Variants in POLD3 observed in about 807,000 individuals in gnomAD.
The protein encoded by POLD3 is DNA polymerase delta subunit 3.
A neutral mutation model predicts 58.2 loss-of-function variants in POLD3; 19 were observed. The ratio of observed to expected loss-of-function variants is 0.33; its 90% CI spans 0.23 to 0.48. The LOEUF (loss-of-function observed/expected upper bound fraction) is 0.48. Among genes scored for constraint, POLD3 ranks in the 20% least tolerant of loss-of-function variants. The pLI is 0.99. For synonymous variants in POLD3, 172 were observed against 193.5 expected (o/e 0.89, Z 0.92); for missense variants, 504 against 545.5 (o/e 0.92, Z 0.76).
In POLD3 at chr11:74,619,348, G is replaced by A. The variant is rs924682638; in HGVS notation, c.660+544G>A. Among the ~76,000 whole-genome samples the A allele has an allele frequency of 3.3e-5, 5 of 150,404 alleles. 1 individual carries two copies. Among genetic ancestry groups the A allele is most frequent in the Admixed American group, 6.6e-5 (1 of 15,182 alleles). On this transcript the variant is annotated intron_variant, in intron 6 of 11. Transcript: ENST00000263681. ...GATACTATTTTAAAAATCCAGAAAA[G>A]CATAATTATTGTTGTTACTATTATT...
At chr11:74,592,766 G>A in intron 1 of POLD3, 48 bp downstream of exon 1, 2 of 1,609,432 alleles carry the variant, frequency 1.2e-6, no homozygotes, top group Middle Eastern at 1.7e-4. Context: ...GGGGTCCTGG[G>A]CCCGGCTAGG....
chr11:74,615,199 A>G (rs1203085803), intron 5 of POLD3, among the ~76,000 whole-genome samples: 1 of 152,180 alleles, frequency 6.6e-6, no homozygotes, highest in Non-Finnish European at 1.5e-5. Flanking sequence ...TACCAGCCAG[A>G]TAGGGTTGTA....
intron 4 of POLD3, among the ~76,000 whole-genome samples, chr11:74,666,022 A>G (rs562087568): frequency 6.6e-6 from 1 of 152,190 alleles, no homozygotes; most frequent in African/African-American, 2.4e-5. Context: ...CCACTAAAAA[A>G]CCTATTAAAC....
chr11:74,618,894 T>C (rs2032164863), intron 6 of POLD3, 90 bp downstream of exon 6: 1 of 1,081,250 alleles, frequency 9.2e-7, no homozygotes, highest in Non-Finnish European at 1.3e-6. Context: ...AGTTTATTTA[T>C]ATAAGATTCT....
At chr11:74,606,588 G>A (rs1445938651) in intron 3 of POLD3, among the ~76,000 whole-genome samples, 2 of 152,114 alleles carry the variant, frequency 1.3e-5, no homozygotes, top group Non-Finnish European at 2.9e-5. Context: ...AGGATCCAAA[G>A]TTAAGAATTT....
intron 10 of POLD3, 73 bp from the exon 11 acceptor site, chr11:74,636,124 A>G: frequency 1.4e-6 from 2 of 1,410,226 alleles, no homozygotes; most frequent in Non-Finnish European, 2.0e-6. Context: ...ATTAGTATAG[A>G]TTTAAAAGCT....
intron 3 of POLD3, 33 bp from the exon 4 acceptor site, chr11:74,611,466 A>G (rs1259744821): frequency 1.5e-6 from 2 of 1,366,512 alleles, no homozygotes; most frequent in Non-Finnish European, 2.1e-6. Context: ...AGATTCTTAC[A>G]TTAAGCACTA....
At chr11:74,668,818 C>T in exon 5 of POLD3, 1 of 1,284,656 alleles carries the variant, frequency 7.8e-7, no homozygotes, top group Non-Finnish European at 1.0e-6. Context: ...CATTTTGGAG[C>T]ATTACGTGGA....
At chr11:74,659,911 C>G (rs4514450) in intron 4 of POLD3, among the ~76,000 whole-genome samples, 130,496 of 152,240 alleles carry the variant, frequency 0.86, 56,458 homozygotes, top group African/African-American at 0.97. Context: ...GAGTTCCAAA[C>G]TCACTTCCAC....
intron 4 of POLD3, among the ~76,000 whole-genome samples, chr11:74,653,543 A>G (rs1043795576): frequency 1.3e-5 from 2 of 152,240 alleles, no homozygotes; most frequent in African/African-American, 4.8e-5. Flanking sequence ...GAAAACCACA[A>G]TGTATAACTC....
At chr11:74,621,360 G>C (rs2032249429) in intron 7 of POLD3, among the ~76,000 whole-genome samples, 2 of 152,180 alleles carry the variant, frequency 1.3e-5, no homozygotes, top group East Asian at 3.9e-4. Flanking sequence ...TCTAATGCCT[G>C]ATCTGAGGTG....
chr11:74,661,912 T>TCTA (rs2033211166), intron 4 of POLD3, among the ~76,000 whole-genome samples: 1 of 152,238 alleles, frequency 6.6e-6, no homozygotes, highest in African/African-American at 2.4e-5. Flanking sequence ...CAAAGTCCTT[T>TCTA]CTACTCTTCC....
chr11:74,648,308 C>T (rs2033026307), intron 4 of POLD3, among the ~76,000 whole-genome samples: 1 of 152,158 alleles, frequency 6.6e-6, no homozygotes, highest in Admixed American at 6.5e-5. Flanking sequence ...GGCTTTCTCC[C>T]CTCTGGTTGG....
chr11:74,595,706 TC>T (rs1327344165), intron 2 of POLD3, among the ~76,000 whole-genome samples: 2 of 152,160 alleles, frequency 1.3e-5, no homozygotes, highest in Non-Finnish European at 2.9e-5. Context: ...AGCCTTGACT[TC>T]CCTGGGCTCA....
At chr11:74,611,302 T>G (rs2031903379) in intron 3 of POLD3, among the ~76,000 whole-genome samples, 197 bp from the exon 4 acceptor site, 1 of 152,200 alleles carries the variant, frequency 6.6e-6, no homozygotes, top group African/African-American at 2.4e-5. Flanking sequence ...AGTTTTAAGA[T>G]AAGCAAATTA....
chr11:74,600,642 C>T (rs367894491), intron 2 of POLD3, among the ~76,000 whole-genome samples: 96 of 146,524 alleles, frequency 6.6e-4, no homozygotes, highest in African/African-American at 2.3e-3. Context: ...TCCAAAAAAA[C>T]AGAAAAGTTT....
intron 3 of POLD3, among the ~76,000 whole-genome samples, chr11:74,609,336 A>T (rs1195863923): frequency 3.9e-5 from 4 of 102,744 alleles, no homozygotes; most frequent in African/African-American, 4.1e-5. Context: ...TTCTCCTTCC[A>T]TTGTTTTTGA....
intron 4 of POLD3, among the ~76,000 whole-genome samples, chr11:74,655,061 G>A (rs1041714450): frequency 2.0e-5 from 3 of 152,226 alleles, no homozygotes; most frequent in Non-Finnish European, 4.4e-5. Flanking sequence ...ATGTGAGAGT[G>A]CCCAACAGAA....
chr11:74,630,142 T>C lies in POLD3; in HGVS notation c.1006+819T>C, dbSNP rs115255365. 3.4e-3 allele frequency among the ~76,000 whole-genome samples: 512 copies of C among 151,998 alleles called. 3 individuals are homozygous for C. Among genetic ancestry groups the C allele is most frequent in the African/African-American group, 0.012 (482 of 41,456 alleles). ...TACAGAGACAAACACGAACAGATAC[T>C]AAAAGGGAGAGTAAAGAAGAATAAT... is the stretch of plus-strand genomic sequence containing the variant. On this transcript the variant is annotated intron_variant, in intron 9 of 11. Transcript: ENST00000263681.
Sources: allele counts gnomAD v4.1 joint callset (sites outside exome capture counted in the v4.1 genomes callset), GRCh38; gene constraint gnomAD v4.1.1; transcripts MANE v1.5; gene names NCBI Gene and HGNC (gene_info 2026-07-23, HGNC 2026-07-21).